The following UCKL1 variants were observed in gnomAD, a reference collection of about 807,000 sequenced individuals.
UCKL1 encodes the protein uridine-cytidine kinase-like 1.
In UCKL1, 65 loss-of-function variants were observed where a neutral mutation model predicts 59.2. The observed-to-expected ratio is 1.10, with a 90% confidence interval of 0.90 to 1.35. The LOEUF (loss-of-function observed/expected upper bound fraction) is 1.35, where lower values mean the gene tolerates loss of function less well. UCKL1 is among the 40% of genes most tolerant of loss of function. The pLI, the probability that UCKL1 is intolerant of heterozygous loss-of-function variation, is 0.00. For missense variants in UCKL1, 703 were observed against 784.3 expected, an observed-to-expected ratio of 0.90 and a Z score of 1.24; for synonymous variants, 410 against 323.1, an observed-to-expected ratio of 1.27 and a Z score of -2.88.
chr20:63,940,430 TC>T lies in UCKL1; in HGVS notation c.1357del (p.Asp453ThrfsTer11), dbSNP rs1178116937. 3 of 1,612,302 alleles carry T rather than the reference TC, an allele frequency of 1.9e-6. No individual in the cohort carries two copies. Among genetic ancestry groups the T allele is most frequent in the Non-Finnish European group, 2.5e-6 (3 of 1,179,806 alleles). On this transcript the variant is annotated frameshift_variant, in exon 13 of 15. Coordinates refer to ENST00000354216, the MANE Select transcript of UCKL1 (RefSeq NM_017859.4). LOFTEE classifies it high-confidence loss of function. ...CGCCGCGCCCGTGGACACGGTGCAG[TC>T]CATGAGGATCACGTGGTCATCGCTG... ...DISDDHVILMDCTVSTGAAAM... is the reference protein window; with the variant it reads ...DISDDHVILMXCTVSTGAAAM...
At chr20:63,955,965 C>A in intron 1 of UCKL1, 1 of 283,286 alleles carries the variant, frequency 3.5e-6, no homozygotes, top group South Asian at 6.1e-5. Flanking sequence ...CCGCCGGGCG[C>A]TCGAGGCCGA....
intron 1 of UCKL1, among the ~76,000 whole-genome samples, chr20:63,949,326 G>T (rs968052880): frequency 6.6e-6 from 1 of 152,182 alleles, no homozygotes; most frequent in South Asian, 2.1e-4. Flanking sequence ...GTGCCCTGAA[G>T]GGGGAGCAGG....
At position 63,944,585 on chromosome 20, in the gene UCKL1, G is replaced by A; in HGVS notation, c.804C>T (p.Ile268=). Reference sequence around the variant, plus strand: ...TGTCTGCCAGGCGCATGGTGGGCTGGATGTACTGGTCGAAGGAGGGCTTGA... The same window carrying A: ...TGTCTGCCAGGCGCATGGTGGGCTGAATGTACTGGTCGAAGGAGGGCTTGA... The part of the protein sequence containing the change: ...KFVKPSFDQY[I]QPTMRLADIV... The change falls in exon 6 of 15, where the codon ATC becomes ATT. Residue 268 remains isoleucine (I), a synonymous_variant. Coordinates refer to ENST00000354216, the MANE Select transcript of UCKL1 (RefSeq NM_017859.4). The A allele has an allele frequency of 6.2e-7, 1 of 1,612,906 alleles. No individual in the cohort carries two copies. Among genetic ancestry groups the A allele is most frequent in the African/African-American group, 1.3e-5 (1 of 75,064 alleles).
At chr20:63,943,699 G>C (rs375281656) in intron 7 of UCKL1, 30 bp from the exon 8 acceptor site, 2 of 1,612,378 alleles carry the variant, frequency 1.2e-6, no homozygotes, top group Non-Finnish European at 1.7e-6. Context: ...AGACACAAGG[G>C]AACGGTGGCG....
intron 8 of UCKL1, chr20:63,942,813 C>G (rs972530209): frequency 4.5e-6 from 2 of 439,946 alleles, no homozygotes; most frequent in Non-Finnish European, 9.7e-6. Flanking sequence ...CCTCTCAGAA[C>G]AAAAGCTTCA....
At chr20:63,943,579 AC>A (rs2055281993) in intron 8 of UCKL1, 73 bp downstream of exon 8, 4 of 1,606,368 alleles carry the variant, frequency 2.5e-6, no homozygotes, top group African/African-American at 1.3e-5. Context: ...TGGCTGGATC[AC>A]AGCCCAGACC....
At chr20:63,951,235 GGT>G in intron 1 of UCKL1, 1 of 987,846 alleles carries the variant, frequency 1.0e-6, no homozygotes, top group African/African-American at 1.7e-5. Flanking sequence ...GGCTTTGCCT[GGT>G]GTGGCCCTGA....
At chr20:63,949,153 C>T (rs2057163142) in intron 1 of UCKL1, among the ~76,000 whole-genome samples, 1 of 152,164 alleles carries the variant, frequency 6.6e-6, no homozygotes, top group Non-Finnish European at 1.5e-5. Flanking sequence ...GGGGAGTGAG[C>T]ACGGGGAATA....
intron 5 of UCKL1, 144 bp from the exon 6 acceptor site, chr20:63,944,878 TGGGGAGGTGG>T: frequency 9.8e-7 from 1 of 1,023,778 alleles, no homozygotes; most frequent in South Asian, 1.6e-5. Context: ...TGGGGAGGAG[TGGGGAGGTGG>T]GGGTGTCTGC....
At chr20:63,940,916 C>A in intron 10 of UCKL1, 34 bp downstream of exon 10, 1 of 1,520,378 alleles carries the variant, frequency 6.6e-7, no homozygotes, top group Non-Finnish European at 8.8e-7. Flanking sequence ...GCTCCAAGAC[C>A]CACCCTCCAC....
chr20:63,943,575 G>C, intron 8 of UCKL1, 78 bp downstream of exon 8: 6 of 1,602,880 alleles, frequency 3.7e-6, no homozygotes, highest in East Asian at 4.5e-5. Flanking sequence ...TGCCTGGCTG[G>C]ATCACAGCCC....
chr20:63,948,998 G>A (rs907559486), intron 1 of UCKL1, among the ~76,000 whole-genome samples: 5 of 152,074 alleles, frequency 3.3e-5, no homozygotes, highest in Non-Finnish European at 5.9e-5. Flanking sequence ...AGCCCAGCCC[G>A]ACACGTGACA....
chr20:63,946,193 C>G lies in UCKL1; in HGVS notation c.379G>C (p.Val127Leu). 6.2e-7 allele frequency: 1 copy of G among 1,612,076 alleles called. No individual in the cohort carries two copies. The highest frequency in any genetic ancestry group is 8.5e-7 in the Non-Finnish European group (1 of 1,179,636). Reference sequence around the variant, plus strand: ...AAGGAGTCCATGGACAGCAAGACCACCCAGGGCACATCCAGGGCCTCGATG... The same window carrying G: ...AAGGAGTCCATGGACAGCAAGACCAGCCAGGGCACATCCAGGGCCTCGATG... Reference protein sequence around the residue: ...MIIEALDVPWVVLLSMDSFYK... With the variant: ...MIIEALDVPWLVLLSMDSFYK... The change falls in exon 3 of 15, where the codon GTG becomes CTG. Residue 127 changes from valine (V) to leucine (L), a missense_variant. By Grantham distance (32) the Val-to-Leu change is conservative (BLOSUM62 1). Around this residue, in one of 4 missense-constraint regions of UCKL1, gnomAD observed 398 missense variants for 373.0 expected, o/e 1.07. Coordinates refer to ENST00000354216, the MANE Select transcript of UCKL1 (RefSeq NM_017859.4).
At chr20:63,952,825 G>A (rs553687516) in intron 1 of UCKL1, among the ~76,000 whole-genome samples, 2 of 152,338 alleles carry the variant, frequency 1.3e-5, no homozygotes, top group African/African-American at 2.4e-5. Flanking sequence ...TCCCCTCCAC[G>A]GAGCCACAGC....
Position 63,956,353 on chromosome 20 carries a change from C to A in UCKL1, c.20G>T (p.Arg7Leu). The change falls in exon 1 of 15, where the codon CGC becomes CTC. Residue 7 changes from arginine (R) to leucine (L), a missense_variant. Around this residue, in one of 4 missense-constraint regions of UCKL1, gnomAD observed 398 missense variants for 373.0 expected, o/e 1.07. Coordinates refer to ENST00000354216, the MANE Select transcript of UCKL1 (RefSeq NM_017859.4). Reference protein sequence around the residue: MAAPPARADADPSPTSP... With the variant: MAAPPALADADPSPTSP... ...CGTGGGCGAAGGATCAGCGTCCGCG[C>A]GGGCCGGGGGCGCAGCCATGGCGCT... The A allele has an allele frequency of 6.5e-7, 1 of 1,541,002 alleles. No individual in the cohort carries two copies. The highest frequency in any genetic ancestry group is 8.7e-7 in the Non-Finnish European group (1 of 1,146,904).
rs574392174 is a variant in UCKL1, at chr20:63,946,711, C to T, written c.114-68G>A. On this transcript the variant is annotated intron_variant, in intron 1 of 14. Coordinates refer to ENST00000354216, the MANE Select transcript of UCKL1 (RefSeq NM_017859.4). ...CCTCCCAGGTACCCGCTGGCATGGC[C>T]GGCCCACAGGGCACCCCCCCCACCC... 2.4e-4 allele frequency: 350 copies of T among 1,458,666 alleles called. 1 individual carries two copies. The highest frequency in any genetic ancestry group is 8.1e-4 in the African/African-American group (44 of 54,362). The allele number at this position is 1,458,666 out of a possible 1,614,324, so 90.4% of individuals were successfully genotyped here. A position where few individuals can be genotyped will look rare whatever the true frequency, so the allele number is the denominator to read the frequency against.
intron 8 of UCKL1, among the ~76,000 whole-genome samples, chr20:63,941,957 A>G (rs960546180): frequency 1.3e-5 from 2 of 148,832 alleles, no homozygotes; most frequent in African/African-American, 4.9e-5. Context: ...AGGGCACGGA[A>G]TTGGGTGTGG....
At chr20:63,946,410 G>T (rs1221310967) in intron 2 of UCKL1, 43 bp downstream of exon 2, 1 of 1,512,940 alleles carries the variant, frequency 6.6e-7, no homozygotes, top group Non-Finnish European at 8.9e-7. Flanking sequence ...GGGAGCCGGA[G>T]GCAGGCGTCC....
chr20:63,943,805 C>A, intron 7 of UCKL1, 136 bp from the exon 8 acceptor site: 1 of 1,256,048 alleles, frequency 8.0e-7, no homozygotes, highest in Non-Finnish European at 1.1e-6. Flanking sequence ...GGGTGGCAAG[C>A]TTCTAATGCC....
Sources: gnomAD v4.1 joint callset for allele counts (sites outside exome capture counted in the v4.1 genomes callset) on GRCh38, gnomAD v4.1.1 for gene constraint, gnomAD v4.1.1 regional missense constraint, MANE v1.5 for transcripts, NCBI Gene and HGNC (gene_info 2026-07-23, HGNC 2026-07-21) for gene names.